The following SEC16A variants were observed in gnomAD, a reference collection of about 807,000 sequenced individuals.
SEC16A encodes protein transport protein Sec16A.
Under a neutral mutation model 221.9 loss-of-function variants are expected in SEC16A, and 110 were observed. The observed-to-expected ratio is 0.50, with a 90% CI of 0.42 to 0.58. The LOEUF (loss-of-function observed/expected upper bound fraction) is 0.58. Ranked by LOEUF, SEC16A falls within the 20% of genes least tolerant of loss-of-function variation. SEC16A has a pLI of 0.00. For missense variants in SEC16A, 3,165 were observed against 3,097.8 expected (o/e 1.02, Z -0.52); for synonymous variants, 1,393 against 1,257.7 (o/e 1.11, Z -2.28).
rs757973276 is a variant in SEC16A, at chr9:136,477,562, G to C, written c.54C>G (p.Ala18=). The stretch of plus-strand genomic sequence containing the variant: ...CCCAGAACACGCTCCGAGGATTCCC[G>C]GCTGGAGGTGGCCCAGCCATGCCAG... ...VPSGMAGPPP[A]GNPRSVFWAS... Residue 18 remains alanine (A), a synonymous_variant, in exon 3 of 32, where the codon GCC becomes GCG. Coordinates refer to ENST00000684901, the MANE Select transcript of SEC16A (RefSeq NM_014866.2). The C allele has an allele frequency of 3.5e-5, 57 of 1,612,690 alleles. No individual in the cohort carries two copies. The Admixed American group carries it at 9.3e-4, about 26-fold the overall frequency.
intron 1 of SEC16A, among the ~76,000 whole-genome samples, chr9:136,479,980 C>T (rs562232851): frequency 1.3e-5 from 2 of 150,396 alleles, no homozygotes; most frequent in East Asian, 3.9e-4. Flanking sequence ...CCAGCCTGGG[C>T]GACAGAGTGA....
upstream of SEC16A, chr9:136,483,503 G>A: frequency 2.1e-6 from 2 of 946,700 alleles, no homozygotes; most frequent in Non-Finnish European, 2.5e-6. Flanking sequence ...TCCGTCTGCC[G>A]CCTCACCGCT....
chr9:136,474,487 C>A lies in SEC16A; in HGVS notation c.3129G>T (p.Gln1043His), dbSNP rs1161458497. The A allele has an allele frequency of 1.9e-6, 3 of 1,613,126 alleles. No individual in the cohort carries two copies. The Admixed American group carries it at 5.0e-5, about 27-fold the overall frequency. The change falls in exon 3 of 32, where the codon CAG (glutamine) becomes CAT (histidine). Residue 1043 changes from glutamine to histidine, a missense_variant. This residue lies in a region of SEC16A where 2,030 missense variants were observed against 1,923.1 expected (regional missense o/e 1.06). Coordinates refer to ENST00000684901, the MANE Select transcript of SEC16A (RefSeq NM_014866.2). ...GCTGGCCCTGGGCATCTTTCGTGAC[C>A]TGCTGATAAAAACGGTCAAGGTTAG... ...GAPNLDRFYQ[Q>H]VTKDAQGQPG...
At position 136,450,533 on chromosome 9, in the gene SEC16A, G is replaced by A. The variant is rs114542985; in HGVS notation, c.6312+723C>T. ...GAACAAGCACTGCCCCAAAAGAGTG[G>A]TGAGATGGTAACAGGGACACGAGAA... On this transcript the variant is annotated intron_variant, in intron 23 of 31. Coordinates refer to ENST00000684901, the MANE Select transcript of SEC16A (RefSeq NM_014866.2). 7.8e-3 allele frequency among the ~76,000 whole-genome samples: 1,186 copies of A among 152,098 alleles called. 12 individuals are homozygous for A. The highest frequency in any genetic ancestry group is 0.027 in the African/African-American group (1,114 of 41,512).
In SEC16A at chr9:136,443,814, G is replaced by A; in HGVS notation, c.7005+9C>T. 1 of 1,609,040 alleles carries A rather than the reference G, an allele frequency of 6.2e-7. No homozygotes were observed. The highest frequency in any genetic ancestry group is 8.5e-7 in the Non-Finnish European group (1 of 1,177,106). Reference sequence around the variant, plus strand: ...TAGGGTCTCGTAGGGAAAGGTAGGAGTCACTCACCTGTGCCAGCTGAGCAG... The same window carrying A: ...TAGGGTCTCGTAGGGAAAGGTAGGAATCACTCACCTGTGCCAGCTGAGCAG... On this transcript the variant is annotated intron_variant, in intron 31 of 31. Coordinates refer to ENST00000684901, the MANE Select transcript of SEC16A (RefSeq NM_014866.2).
intron 5 of SEC16A, 134 bp downstream of exon 5, chr9:136,468,281 A>G (rs773221489): frequency 1.1e-5 from 6 of 528,602 alleles, no homozygotes; most frequent in Non-Finnish European, 2.0e-5. Context: ...TTGGGCAAAA[A>G]CATAAAGAGA....
chr9:136,452,617 A>T (rs1837994946), intron 22 of SEC16A, among the ~76,000 whole-genome samples: 1 of 150,194 alleles, frequency 6.7e-6, no homozygotes, highest in Non-Finnish European at 1.5e-5. Context: ...AATACAAAAA[A>T]TTAGCCAGGC....
chr9:136,462,449 T>C (rs550053234), intron 12 of SEC16A, among the ~76,000 whole-genome samples: 19 of 152,334 alleles, frequency 1.2e-4, no homozygotes, highest in African/African-American at 3.6e-4. Context: ...GCTGCTCTCT[T>C]GCCCATGGCC....
chr9:136,455,014 C>A (rs1316313289), intron 20 of SEC16A, among the ~76,000 whole-genome samples: 1 of 152,122 alleles, frequency 6.6e-6, no homozygotes, highest in Non-Finnish European at 1.5e-5. Context: ...CCGTGAGGAC[C>A]CTGGCTTGTC....
rs1420200237 is a variant in SEC16A at position 136,475,453 on chromosome 9, T to C, written c.2163A>G (p.Pro721=). 1.9e-6 allele frequency: 3 copies of C among 1,609,846 alleles called. No homozygotes were observed. Among genetic ancestry groups the C allele is most frequent in the Non-Finnish European group, 2.5e-6 (3 of 1,177,430 alleles). The change falls in exon 3 of 32, where the codon CCA becomes CCG. Residue 721 remains proline, a synonymous_variant. Coordinates refer to ENST00000684901, the MANE Select transcript of SEC16A (RefSeq NM_014866.2). This position sits in a 1 kb window ranked among gnomAD's most constrained non-coding sequence, Gnocchi z 5.0. ...CACTTTGCGCCCACAGAGTCGTTGC[T>C]GGGCTCTCACACTTCACGGGCCCCT... The part of the protein sequence containing the change: ...RTQGPVKCES[P]ATTLWAQSEL...
chr9:136,446,444 G>C (rs1245265883), intron 28 of SEC16A, among the ~76,000 whole-genome samples: 1 of 143,278 alleles, frequency 7.0e-6, no homozygotes, highest in Non-Finnish European at 1.5e-5. Flanking sequence ...GGAGTCATTT[G>C]TTTTTTGTTT....
In SEC16A at chr9:136,461,169, G is replaced by A. The variant is rs73670275; in HGVS notation, c.4991+8C>T. On this transcript the variant is annotated splice_region_variant and intron_variant, in intron 13 of 31. Transcript: ENST00000684901. ...TCGCCACTGGACCAGGCCACTGTGG[G>A]ACTGTACCTGGTCATGACTCGGGCG... is the stretch of plus-strand genomic sequence containing the variant. The A allele has an allele frequency of 1.8e-3, 2,944 of 1,595,228 alleles. 38 individuals carry two copies. The African/African-American group carries it at 0.035, about 19-fold the overall frequency.
chr9:136,484,380 C>T (rs891131335), upstream of SEC16A: 1 of 1,188,932 alleles, frequency 8.4e-7, no homozygotes. Context: ...AACAGGTGGG[C>T]ACTATCCTCT....
At position 136,466,292 on chromosome 9, in the gene SEC16A, C is replaced by G. The variant is rs537949436; in HGVS notation, c.4100G>C (p.Arg1367Pro). The G allele has an allele frequency of 6.4e-7, 1 of 1,571,950 alleles. No homozygotes were observed. Among genetic ancestry groups the G allele is most frequent in the South Asian group, 1.1e-5 (1 of 87,506 alleles). ...GTGCGAGTGGGAGCTGAGGCTGCTG[C>G]GGCGGCTGGCCAGGCTGTGTGCGCT... is the stretch of plus-strand genomic sequence containing the variant. ...LHSAHSLASR[R>P]SSLSSHSHQS... Residue 1367 changes from arginine (R) to proline (P), a missense_variant, in exon 7 of 32, where the codon CGC becomes CCC. Around this residue, in one of 3 missense-constraint regions of SEC16A, gnomAD observed 2,030 missense variants for 1,923.1 expected, o/e 1.06. Coordinates refer to ENST00000684901, the MANE Select transcript of SEC16A (RefSeq NM_014866.2). The surrounding 1 kb of genome is among the most constrained non-coding windows in gnomAD (Gnocchi z 5.5).
intron 11 of SEC16A, among the ~76,000 whole-genome samples, 160 bp downstream of exon 11, chr9:136,463,303 C>T (rs965995043): frequency 6.6e-6 from 1 of 152,204 alleles, no homozygotes; most frequent in African/African-American, 2.4e-5. Flanking sequence ...GTTCCCTCTC[C>T]CTCCCTACCC....
upstream of SEC16A, chr9:136,483,498 C>A: frequency 1.0e-6 from 1 of 972,948 alleles, no homozygotes; most frequent in Non-Finnish European, 1.2e-6. Context: ...CGGCGTCCGT[C>A]TGCCGCCTCA....
intron 3 of SEC16A, among the ~76,000 whole-genome samples, chr9:136,473,566 G>T (rs1014582264): frequency 1.3e-5 from 2 of 152,258 alleles, no homozygotes; most frequent in African/African-American, 4.8e-5. Context: ...TAGCTGATGC[G>T]TGTGGCTCAT....
At chr9:136,445,616 C>G (rs767340277) in intron 29 of SEC16A, 29 bp downstream of exon 29, 24 of 1,526,554 alleles carry the variant, frequency 1.6e-5, no homozygotes, top group Non-Finnish European at 2.0e-5. Flanking sequence ...GCCTGGGCTG[C>G]GGGGGGCCCT....
intron 13 of SEC16A, 101 bp downstream of exon 13, chr9:136,461,076 C>G: frequency 1.2e-6 from 1 of 869,052 alleles, no homozygotes; most frequent in South Asian, 1.4e-5. Context: ...ACAGCACAGT[C>G]AAGTGAGATC....
Sources: allele counts gnomAD v4.1 joint callset (sites outside exome capture counted in the v4.1 genomes callset), GRCh38; gene constraint gnomAD v4.1.1; regional missense constraint gnomAD v4.1.1; non-coding constraint Gnocchi (gnomAD v3.1); transcripts MANE v1.5; gene names NCBI Gene and HGNC (gene_info 2026-07-23, HGNC 2026-07-21).